SHROOM4: variants seen among roughly 807,000 people sequenced by gnomAD.
SHROOM4 encodes the protein shroom family member 4.
In SHROOM4, 17 loss-of-function variants were observed where a neutral mutation model predicts 80.3. That is an observed-to-expected ratio of 0.21 (90% CI 0.14 to 0.32). The LOEUF (loss-of-function observed/expected upper bound fraction) is 0.32, where lower values mean the gene tolerates loss of function less well. SHROOM4 is among the 10% of genes least tolerant of loss of function. The pLI, the probability that SHROOM4 is intolerant of heterozygous loss-of-function variation, is 1.00. For missense variants in SHROOM4, 993 were observed against 1,140.3 expected (o/e 0.87, Z 1.86); for synonymous variants, 400 against 437.5 (o/e 0.91, Z 1.07).
intron 1 of SHROOM4, among the ~76,000 whole-genome samples, chrX:50,766,404 T>TA (rs1297017676): frequency 5.6e-5 from 6 of 107,968 alleles, no homozygotes; most frequent in Non-Finnish European, 7.7e-5. Flanking sequence ...TTGCCTCATT[T>TA]AAAAAAAAAA....
rs145292294 is a variant in SHROOM4 at position 50,598,399 on chromosome X, T to C, written c.4079A>G (p.Asn1360Ser). ...AAACAAGTGGTACTTTTCAAATTCA[T>C]TGGATTTGCAGACGGCTTTTAAGTT... ...EANLKAVCKS[N>S]EFEKYHLFVG... Residue 1360 changes from asparagine to serine, a missense_variant, in exon 8 of 9, where the codon AAT (asparagine) becomes AGT (serine). Asn to Ser is a conservative substitution (Grantham distance 46, BLOSUM62 1). Coordinates refer to ENST00000376020, the MANE Select transcript of SHROOM4 (RefSeq NM_020717.5). 47 of 1,208,421 alleles carry C rather than the reference T, an allele frequency of 3.9e-5. 2 individuals carry two copies. In the African/African-American group the frequency reaches 4.6e-4, roughly 12 times the overall value.
In SHROOM4 at chrX:50,592,115, G is replaced by T; in HGVS notation, c.*4580C>A. The T allele has an allele frequency of 3.0e-6, 1 of 329,769 alleles. No homozygotes were observed. The highest frequency in any genetic ancestry group is 2.6e-5 in the South Asian group (1 of 38,527). The allele number at this position is 329,769 out of a possible 1,213,427, so 27.2% of individuals were successfully genotyped here. ...CCTAAATTCATCCAGGCAGGTAGTT[G>T]TGAGCAACACGAGAAGAGCAAGAAT... On this transcript the variant is annotated 3_prime_UTR_variant, in exon 9 of 9. Transcript: ENST00000376020.
At chrX:50,662,772 A>G (rs1932553143) in intron 2 of SHROOM4, among the ~76,000 whole-genome samples, 1 of 111,497 alleles carries the variant, frequency 9.0e-6, no homozygotes, top group Non-Finnish European at 1.9e-5. Context: ...AATGGCTTAA[A>G]AACTTACTGA....
Position 50,587,628 on chromosome X carries a change from G to A in SHROOM4, c.*9067C>T, listed in dbSNP as rs1468134077. Among the ~76,000 whole-genome samples the A allele has an allele frequency of 2.7e-5, 3 of 112,118 alleles. No homozygotes were observed. The highest frequency in any genetic ancestry group is 9.7e-5 in the African/African-American group (3 of 30,884). On this transcript the variant is annotated 3_prime_UTR_variant, in exon 9 of 9. Transcript: ENST00000376020. ...TCTGTATATAAAGTATTATGTAATT[G>A]TATATTTATACTTATCTATCTCTTT...
In SHROOM4 at chrX:50,633,496, T is replaced by C; in HGVS notation, c.2577A>G (p.Glu859=). Residue 859 remains glutamate (E), a synonymous_variant, in exon 4 of 9, where the codon GAA becomes GAG. Coordinates refer to ENST00000376020, the MANE Select transcript of SHROOM4 (RefSeq NM_020717.5). ...PLQSETPTYS[E]CFASKGLENS... ...TTTCTAGACCTTTGCTTGCAAAACA[T>C]TCTGAGTAAGTGGGAGTTTCTGACT... The C allele has an allele frequency of 8.3e-7, 1 of 1,211,532 alleles. No individual in the cohort carries two copies. The highest frequency in any genetic ancestry group is 1.1e-6 in the Non-Finnish European group (1 of 895,493).
intron 2 of SHROOM4, among the ~76,000 whole-genome samples, chrX:50,650,624 C>G (rs1247063641): frequency 1.8e-5 from 2 of 111,027 alleles, no homozygotes; most frequent in Non-Finnish European, 3.8e-5. Flanking sequence ...TCCCAAAGTG[C>G]TGGGATTATA....
chrX:50,776,984 G>T (rs2382658), intron 1 of SHROOM4, among the ~76,000 whole-genome samples: 6,249 of 111,368 alleles, frequency 0.056, 441 homozygotes, highest in African/African-American at 0.19. Flanking sequence ...CACCGCACCG[G>T]CCTCTCTATA....
At chrX:50,584,323 C>A (rs1928719598), downstream of SHROOM4, among the ~76,000 whole-genome samples, 2 of 112,227 alleles carry the variant, frequency 1.8e-5, no homozygotes, top group South Asian at 7.4e-4. Flanking sequence ...ATATCAAAGC[C>A]AAAGCTATAA....
At chrX:50,789,931 T>C (rs996045183) in intron 1 of SHROOM4, among the ~76,000 whole-genome samples, 1 of 112,144 alleles carries the variant, frequency 8.9e-6, no homozygotes, top group East Asian at 2.8e-4. Context: ...CAAACCTAGA[T>C]GGTATAGCCT....
intron 1 of SHROOM4, among the ~76,000 whole-genome samples, chrX:50,728,865 C>A (rs906862779): frequency 9.0e-6 from 1 of 111,429 alleles, no homozygotes; most frequent in Admixed American, 9.5e-5. Flanking sequence ...CCAAGGGTGA[C>A]CCCTAAGAAG....
chrX:50,738,312 T>A (rs1934549107), intron 1 of SHROOM4, among the ~76,000 whole-genome samples: 1 of 111,026 alleles, frequency 9.0e-6, no homozygotes, highest in South Asian at 3.8e-4. Context: ...CAACATAGTG[T>A]TGGAAGTTCT....
Position 50,594,142 on chromosome X carries a change from G to A in SHROOM4, c.*2553C>T, listed in dbSNP as rs1291530574. The A allele has an allele frequency of 8.9e-6, 1 of 112,030 alleles. No homozygotes were observed. The highest frequency in any genetic ancestry group is 3.2e-5 in the African/African-American group (1 of 30,784). The allele number at this position is 112,030 out of a possible 1,213,427, so 9.2% of individuals were successfully genotyped here. ...TCTCCCTTGGCCTGCCTTCCAAACT[G>A]CTACTCACTGGCAGGCCTTGGAGGA... is the stretch of plus-strand genomic sequence containing the variant. On this transcript the variant is annotated 3_prime_UTR_variant, in exon 9 of 9. Transcript: ENST00000376020.
At position 50,686,611 on chromosome X, in the gene SHROOM4, T is replaced by A. The variant is rs782259987; in HGVS notation, c.269+9175A>T. On this transcript the variant is annotated intron_variant, in intron 2 of 8. Transcript: ENST00000376020. ...ACTTGAAAAATATATGTATATATTT[T>A]ATATATACACATATTTTATATGTGT... Among the ~76,000 whole-genome samples the A allele has an allele frequency of 3.6e-5, 4 of 111,559 alleles. No individual in the cohort carries two copies. In the South Asian group the frequency reaches 1.5e-3, roughly 42 times the overall value.
chrX:50,761,417 C>T (rs908113655), intron 1 of SHROOM4, among the ~76,000 whole-genome samples: 17 of 112,307 alleles, frequency 1.5e-4, no homozygotes, highest in African/African-American at 5.5e-4. Flanking sequence ...TCTCTACAAC[C>T]TTTCCAGTAT....
chrX:50,600,911 T>C (rs1324873852), intron 7 of SHROOM4, among the ~76,000 whole-genome samples: 4 of 112,027 alleles, frequency 3.6e-5, no homozygotes, highest in Admixed American at 2.8e-4. Flanking sequence ...TAAAAGTCAA[T>C]GCTGGGGACA....
intron 1 of SHROOM4, among the ~76,000 whole-genome samples, chrX:50,756,285 T>C (rs1935036938): frequency 1.8e-5 from 2 of 112,265 alleles, no homozygotes; most frequent in Non-Finnish European, 1.9e-5. Context: ...CTGAGCATGT[T>C]TTTGAGGTTC....
rs147607307 is a variant in SHROOM4, at chrX:50,634,686, G to T, written c.1387C>A (p.Pro463Thr). Reference sequence around the variant, plus strand: ...GACTGGTCATGGGTTCCTCCTGTAGGGGGGCATGGACTTTTCTTCCCTTTG... The same window carrying T: ...GACTGGTCATGGGTTCCTCCTGTAGTGGGGCATGGACTTTTCTTCCCTTTG... The part of the protein sequence containing the change: ...SHKGKKSPCP[P>T]TGGTHDQSSK... Residue 463 changes from proline to threonine, a missense_variant, in exon 4 of 9, where the codon CCT (proline) becomes ACT (threonine). Pro to Thr is a conservative substitution (Grantham distance 38). Transcript: ENST00000376020. 390 of 1,209,962 alleles carry T rather than the reference G, an allele frequency of 3.2e-4. 1 individual carries two copies. The African/African-American group carries it at 5.8e-3, about 18-fold the overall frequency.
chrX:50,792,430 C>T (rs991843887), intron 1 of SHROOM4, among the ~76,000 whole-genome samples: 2 of 109,473 alleles, frequency 1.8e-5, no homozygotes, highest in African/African-American at 6.7e-5. Flanking sequence ...CGCTTGAACC[C>T]GGGCAGCAGA....
chrX:50,600,292 C>T (rs1929332476), intron 7 of SHROOM4, among the ~76,000 whole-genome samples: 1 of 111,608 alleles, frequency 9.0e-6, no homozygotes, highest in Admixed American at 9.5e-5. Context: ...ACAAGAATGG[C>T]CCTGTCCCAG....
Sources: gnomAD v4.1 joint callset for allele counts (sites outside exome capture counted in the v4.1 genomes callset) on GRCh38, gnomAD v4.1.1 for gene constraint, MANE v1.5 for transcripts, NCBI Gene and HGNC (gene_info 2026-07-23, HGNC 2026-07-21) for gene names.